The following EDAR variants were observed in gnomAD, a reference collection of about 807,000 sequenced individuals.
EDAR encodes the protein tumor necrosis factor receptor superfamily member EDAR.
EDAR carries 38 observed loss-of-function variants against 51.3 expected under a neutral mutation model. That is an observed-to-expected ratio of 0.74 (90% CI 0.57 to 0.97). The LOEUF is 0.97. Ranked by LOEUF, EDAR falls within the 50% of genes least tolerant of loss-of-function variation. The pLI, the probability that EDAR is intolerant of heterozygous loss-of-function variation, is 0.00. For missense variants in EDAR, 528 were observed against 595.0 expected (o/e 0.89, Z 1.17); for synonymous variants, 227 against 242.1 (o/e 0.94, Z 0.58).
chr2:108,978,341 T>C (rs889688437), intron 1 of EDAR, among the ~76,000 whole-genome samples: 1 of 152,200 alleles, frequency 6.6e-6, no homozygotes, highest in African/African-American at 2.4e-5. Context: ...ATAATCACCA[T>C]CTTATTAGGT....
chr2:108,922,548 C>A (rs761401778), intron 5 of EDAR, among the ~76,000 whole-genome samples: 2 of 152,142 alleles, frequency 1.3e-5, no homozygotes, highest in Non-Finnish European at 2.9e-5. Flanking sequence ...TTCTTTCCAG[C>A]GTGATAAGAC....
chr2:108,908,024 A>C lies in EDAR; in HGVS notation c.804-5T>G, dbSNP rs1367611819. On this transcript the variant is annotated splice_polypyrimidine_tract_variant and splice_region_variant and intron_variant, in intron 9 of 11. Coordinates refer to ENST00000258443, the MANE Select transcript of EDAR (RefSeq NM_022336.4). ...TCGGATGAGGCATCGTTCTCGCTGC[A>C]AAAACAAGAGCGATGGTCATTAGCA... is the stretch of plus-strand genomic sequence containing the variant. 1 of 1,606,678 alleles carries C rather than the reference A, an allele frequency of 6.2e-7. No individual in the cohort carries two copies. Among genetic ancestry groups the C allele is most frequent in the Non-Finnish European group, 8.5e-7 (1 of 1,174,518 alleles).
At chr2:108,953,915 T>C (rs1432660226) in intron 1 of EDAR, among the ~76,000 whole-genome samples, 1 of 152,202 alleles carries the variant, frequency 6.6e-6, no homozygotes, top group Non-Finnish European at 1.5e-5. Flanking sequence ...TCCTTTGAAA[T>C]AATGTTTTTC....
chr2:108,915,182 G>C (rs951726429), intron 5 of EDAR, among the ~76,000 whole-genome samples: 3 of 152,224 alleles, frequency 2.0e-5, no homozygotes, highest in Non-Finnish European at 4.4e-5. Flanking sequence ...GGGATTACAG[G>C]TGTGAGCCTG....
chr2:108,912,115 G>A (rs764396643), intron 6 of EDAR, among the ~76,000 whole-genome samples: 5 of 152,142 alleles, frequency 3.3e-5, no homozygotes, highest in African/African-American at 9.7e-5. Flanking sequence ...GGTACCTCAC[G>A]GCTCGCTGAG....
At chr2:108,920,980 G>A (rs150967974) in intron 5 of EDAR, among the ~76,000 whole-genome samples, 23 of 152,220 alleles carry the variant, frequency 1.5e-4, no homozygotes, top group Admixed American at 3.3e-4. Flanking sequence ...ATAACCTACC[G>A]TAGTGGTTCC....
At chr2:108,907,682 GT>G (rs1558799860) in intron 10 of EDAR, among the ~76,000 whole-genome samples, 177 bp downstream of exon 10, 2 of 151,970 alleles carry the variant, frequency 1.3e-5, no homozygotes, top group African/African-American at 4.8e-5. Flanking sequence ...AAACGAAAGG[GT>G]TTTTTTCCCT....
At chr2:108,929,499 C>T in intron 3 of EDAR, 120 bp from the exon 4 acceptor site, 1 of 1,104,552 alleles carries the variant, frequency 9.1e-7, no homozygotes, top group East Asian at 2.5e-5. Context: ...CTTGCCGGGC[C>T]TTGGTTTCCT....
At chr2:108,920,213 A>C (rs1388019262) in intron 5 of EDAR, among the ~76,000 whole-genome samples, 3 of 152,208 alleles carry the variant, frequency 2.0e-5, no homozygotes, top group African/African-American at 7.2e-5. Context: ...GGCGCCTGGC[A>C]CTGGAGTAAG....
chr2:108,973,840 T>C (rs1698275055), intron 1 of EDAR, among the ~76,000 whole-genome samples: 2 of 152,224 alleles, frequency 1.3e-5, no homozygotes, highest in Non-Finnish European at 2.9e-5. Context: ...CTTTTGGTTT[T>C]ATGTAAATAA....
At chr2:108,904,113 C>T (rs947703760) in intron 11 of EDAR, among the ~76,000 whole-genome samples, 7 of 151,982 alleles carry the variant, frequency 4.6e-5, no homozygotes, top group African/African-American at 1.7e-4. Context: ...CCTCAAAACT[C>T]AACAGCAAAA....
At chr2:108,906,163 T>A (rs1696799649) in intron 11 of EDAR, 145 bp downstream of exon 11, 1 of 784,740 alleles carries the variant, frequency 1.3e-6, no homozygotes, top group South Asian at 1.5e-5. Context: ...CCTGAAATAG[T>A]TTCCAGCGGC....
chr2:108,934,474 C>T lies in EDAR; in HGVS notation c.-18-3442G>A, dbSNP rs138652285. 1.1e-3 allele frequency among the ~76,000 whole-genome samples: 175 copies of T among 152,300 alleles called. No homozygotes were observed. In the Middle Eastern group the frequency reaches 0.02, roughly 18 times the overall value. ...TCCAGCCTCGTGCACACTGAGCTCC[C>T]ATATTTGTGACAGTGATGGGGAGAG... On this transcript the variant is annotated intron_variant, in intron 1 of 11. Coordinates refer to ENST00000258443, the MANE Select transcript of EDAR (RefSeq NM_022336.4).
intron 11 of EDAR, among the ~76,000 whole-genome samples, chr2:108,903,530 G>T (rs1212099410): frequency 1.3e-5 from 2 of 152,222 alleles, no homozygotes; most frequent in African/African-American, 4.8e-5. Context: ...AGACCTTGTG[G>T]TATTATCAGA....
intron 2 of EDAR, 24 bp from the exon 3 acceptor site, chr2:108,930,266 G>A (rs1697341995): frequency 1.2e-6 from 2 of 1,613,940 alleles, no homozygotes; most frequent in East Asian, 2.2e-5. Context: ...GGGGTGTTGT[G>A]GCCTCCGTAC....
At chr2:108,902,948 G>A (rs1696729572) in intron 11 of EDAR, among the ~76,000 whole-genome samples, 1 of 152,146 alleles carries the variant, frequency 6.6e-6, no homozygotes, top group South Asian at 2.1e-4. Context: ...GATTGGAAAG[G>A]AAGAAATAAA....
intron 1 of EDAR, among the ~76,000 whole-genome samples, chr2:108,974,296 C>CTA (rs374754653): frequency 2.6e-3 from 309 of 118,658 alleles, no homozygotes; most frequent in African/African-American, 9.9e-3. Flanking sequence ...CACCACTGCA[C>CTA]TATAGCCTGG....
intron 4 of EDAR, among the ~76,000 whole-genome samples, chr2:108,928,162 A>G (rs1697295096): frequency 6.6e-6 from 1 of 152,044 alleles, no homozygotes; most frequent in African/African-American, 2.4e-5. Context: ...CCAGGTGTAC[A>G]ACTCTTGCTC....
chr2:108,970,099 G>C (rs1183856645), intron 1 of EDAR, among the ~76,000 whole-genome samples: 1 of 152,204 alleles, frequency 6.6e-6, no homozygotes, highest in Non-Finnish European at 1.5e-5. Context: ...TGACGGATGG[G>C]TAGTGTGGCC....
Sources: gnomAD v4.1 joint callset for allele counts (sites outside exome capture counted in the v4.1 genomes callset) on GRCh38, gnomAD v4.1.1 for gene constraint, MANE v1.5 for transcripts, NCBI Gene and HGNC (gene_info 2026-07-23, HGNC 2026-07-21) for gene names.